The following FGF13 variants were observed in gnomAD, a reference collection of about 807,000 sequenced individuals.
FGF13 encodes the protein fibroblast growth factor 13.
In FGF13, 2 loss-of-function variants were observed where a neutral mutation model predicts 19.5. That is an observed-to-expected ratio of 0.10 (90% CI 0.04 to 0.32). FGF13 has a LOEUF of 0.32. FGF13 is among the 10% of genes least tolerant of loss of function. FGF13 has a pLI of 1.00. For missense variants in FGF13, 113 were observed against 192.7 expected, an observed-to-expected ratio of 0.59 and a Z score of 2.45; for synonymous variants, 72 against 76.9, an observed-to-expected ratio of 0.94 and a Z score of 0.33.
intron 1 of FGF13, among the ~76,000 whole-genome samples, chrX:139,164,712 T>TAA (rs2084065766): frequency 9.2e-6 from 1 of 108,690 alleles, no homozygotes; most frequent in Non-Finnish European, 1.9e-5. Flanking sequence ...AATAAATAAA[T>TAA]AAATAAATAA....
intron 3 of FGF13, among the ~76,000 whole-genome samples, chrX:138,852,477 G>T (rs943270862): frequency 2.7e-5 from 3 of 111,725 alleles, no homozygotes; most frequent in Non-Finnish European, 5.6e-5. Context: ...CTTAATAAAT[G>T]GTGCTGGGTG....
intron 1 of FGF13, among the ~76,000 whole-genome samples, chrX:139,145,130 C>T (rs5974797): frequency 0.13 from 14,623 of 111,214 alleles, 2,080 homozygotes; most frequent in African/African-American, 0.42. Context: ...GTTTCTGCAT[C>T]TGATTTGTTA....
At chrX:139,070,107 C>A (rs754989746) in intron 1 of FGF13, among the ~76,000 whole-genome samples, 1 of 111,828 alleles carries the variant, frequency 8.9e-6, no homozygotes, top group African/African-American at 3.2e-5. Context: ...AAAGCAATGG[C>A]AACAAAAGCC....
chrX:138,894,070 G>A (rs185265834), intron 1 of FGF13, among the ~76,000 whole-genome samples: 8 of 111,356 alleles, frequency 7.2e-5, no homozygotes, highest in Non-Finnish European at 1.5e-4. Flanking sequence ...GACTTATTGG[G>A]CAGCAAAATT....
rs771617592 is a variant in FGF13, at chrX:138,997,337, T to G, written c.-112-132687A>C. On this transcript the variant is annotated intron_variant, in intron 1 of 2. Coordinates refer to the FGF13 transcript ENST00000421460. ...AAAACTGGACGGAGAATGATTTTGA[T>G]GAACTGAGAGAAGTACGCTTCAGAA... 5.4e-5 allele frequency among the ~76,000 whole-genome samples: 6 copies of G among 111,781 alleles called. No individual in the cohort carries two copies. The South Asian group carries it at 2.2e-3, about 42-fold the overall frequency.
At chrX:138,653,383 G>C (rs1420730803) in intron 3 of FGF13, among the ~76,000 whole-genome samples, 1 of 111,213 alleles carries the variant, frequency 9.0e-6, no homozygotes, top group East Asian at 2.8e-4. Context: ...AGGAAGCATA[G>C]TGAAGGAGAA....
chrX:138,706,842 C>G (rs2089996980), intron 2 of FGF13, among the ~76,000 whole-genome samples: 1 of 112,197 alleles, frequency 8.9e-6, no homozygotes, highest in African/African-American at 3.2e-5. Context: ...TCTGGTCACT[C>G]TTAACATCAG....
At chrX:138,971,496 AG>A (rs2091915374) in intron 1 of FGF13, among the ~76,000 whole-genome samples, 1 of 111,995 alleles carries the variant, frequency 8.9e-6, no homozygotes, top group Non-Finnish European at 1.9e-5. Context: ...GTTTTTCATA[AG>A]TCCCTTGTCA....
chrX:138,832,233 C>A (rs2091079449), intron 3 of FGF13, among the ~76,000 whole-genome samples: 2 of 111,787 alleles, frequency 1.8e-5, no homozygotes, highest in Admixed American at 9.5e-5. Context: ...GAGAAATTGC[C>A]ACATTGTCTT....
At chrX:139,080,274 G>A (rs1315416768) in intron 1 of FGF13, among the ~76,000 whole-genome samples, 1 of 111,452 alleles carries the variant, frequency 9.0e-6, no homozygotes, top group Non-Finnish European at 1.9e-5. Context: ...ATTCTTCCAT[G>A]CCAATCTCTC....
intron 3 of FGF13, among the ~76,000 whole-genome samples, chrX:138,664,842 C>T (rs921140690): frequency 7.2e-5 from 8 of 111,449 alleles, no homozygotes; most frequent in Non-Finnish European, 9.4e-5. Flanking sequence ...AAACATACTA[C>T]TTATTTTGGC....
chrX:138,882,399 T>A (rs778879175), intron 1 of FGF13, among the ~76,000 whole-genome samples: 1 of 111,996 alleles, frequency 8.9e-6, no homozygotes, highest in Non-Finnish European at 1.9e-5. Context: ...GTCTAGTTGA[T>A]GTACAGCGTG....
At chrX:138,648,059 T>TA (rs1305482218) in intron 3 of FGF13, among the ~76,000 whole-genome samples, 1 of 112,155 alleles carries the variant, frequency 8.9e-6, no homozygotes, top group Non-Finnish European at 1.9e-5. Flanking sequence ...CTTGATCATT[T>TA]AAAAATCCCT....
At chrX:138,889,609 C>T (rs2091466765) in intron 1 of FGF13, among the ~76,000 whole-genome samples, 1 of 111,817 alleles carries the variant, frequency 8.9e-6, no homozygotes, top group Non-Finnish European at 1.9e-5. Context: ...CACAACCCAT[C>T]CCATAGCCTG....
chrX:138,699,972 T>A (rs1426547013), intron 3 of FGF13, among the ~76,000 whole-genome samples: 1 of 111,378 alleles, frequency 9.0e-6, no homozygotes, highest in East Asian at 2.8e-4. Flanking sequence ...CTCTCCCTCA[T>A]GACGCCTGAT....
At chrX:138,714,039 C>T (rs191953476), upstream of FGF13, 33 of 110,922 alleles carry the variant, frequency 3.0e-4, no homozygotes, top group African/African-American at 9.5e-4. Flanking sequence ...GGAGGGGGAA[C>T]GAGACTCTCC....
intron 1 of FGF13, among the ~76,000 whole-genome samples, chrX:138,984,693 G>GAGAAGAAGAAGAAGA: frequency 1.4e-5 from 1 of 71,802 alleles, no homozygotes; most frequent in African/African-American, 5.6e-5. Flanking sequence ...GAAGAAGGAG[G>GAGAAGAAGAAGAAGA]AGAAGAAGAA....
At position 138,711,319 on chromosome X, in the gene FGF13, C is replaced by T; in HGVS notation, c.-316G>A. 1.2e-5 allele frequency: 10 copies of T among 824,630 alleles called. No individual in the cohort carries two copies. The highest frequency in any genetic ancestry group is 1.1e-3 in the Middle Eastern group (2 of 1,780). The allele number at this position is 824,630 out of a possible 1,213,427, so 68.0% of individuals were successfully genotyped here. On this transcript the variant is annotated 5_prime_UTR_variant, in exon 1 of 5. Coordinates refer to ENST00000315930, the MANE Select transcript of FGF13 (RefSeq NM_004114.5). ...GCTGAACTGCGCGACTGCGTGTGGT[C>T]GGCCCCTGCGCCCGGCGGACACCGT...
At chrX:138,684,302 G>A (rs962870927) in intron 3 of FGF13, among the ~76,000 whole-genome samples, 12 of 111,485 alleles carry the variant, frequency 1.1e-4, no homozygotes, top group African/African-American at 3.6e-4. Flanking sequence ...CTGCACTCCT[G>A]TATTTCTAAT....
Sources: allele counts gnomAD v4.1 joint callset (sites outside exome capture counted in the v4.1 genomes callset), GRCh38; gene constraint gnomAD v4.1.1; transcripts MANE v1.5; gene names NCBI Gene and HGNC (gene_info 2026-07-23, HGNC 2026-07-21).